Variants in SHROOM4 observed in about 807,000 individuals in gnomAD.
SHROOM4 encodes shroom family member 4, also known as protein Shroom4.
Under a neutral mutation model 80.3 loss-of-function variants are expected in SHROOM4, and 17 were observed. The observed-to-expected ratio is 0.21, with a 90% CI of 0.14 to 0.32. The LOEUF is 0.32. Among genes scored for constraint, SHROOM4 ranks in the 10% least tolerant of loss-of-function variants. The pLI is 1.00. For missense variants in SHROOM4, 993 were observed against 1,140.3 expected (o/e 0.87, Z 1.86); for synonymous variants, 400 against 437.5 (o/e 0.91, Z 1.07).
chrX:50,754,730 C>G (rs1935002257), intron 1 of SHROOM4, among the ~76,000 whole-genome samples: 1 of 111,972 alleles, frequency 8.9e-6, no homozygotes. Flanking sequence ...GATTAACCCA[C>G]TATCCTCTAG....
rs184798294 is a variant in SHROOM4 at position 50,654,258 on chromosome X, T to C, written c.270-15950A>G. On this transcript the variant is annotated intron_variant, in intron 2 of 8. Coordinates refer to ENST00000376020, the MANE Select transcript of SHROOM4 (RefSeq NM_020717.5). ...TAAGTGCTGGTGAGCAGTTGCCATA[T>C]ATGTACTTCCCTGGTAAGGCTTCTT... Among the ~76,000 whole-genome samples, 366 of 111,536 alleles carry C rather than the reference T, an allele frequency of 3.3e-3. 3 individuals are homozygous for C. The highest frequency in any genetic ancestry group is 6.0e-3 in the Non-Finnish European group (318 of 53,062).
chrX:50,807,592 T>A (rs1350363766), intron 1 of SHROOM4, among the ~76,000 whole-genome samples: 1 of 112,092 alleles, frequency 8.9e-6, no homozygotes. Flanking sequence ...ATTCATTAAA[T>A]GCCATTTCCT....
chrX:50,757,279 G>T (rs1158911530), intron 1 of SHROOM4, among the ~76,000 whole-genome samples: 1 of 111,920 alleles, frequency 8.9e-6, no homozygotes, highest in African/African-American at 3.3e-5. Context: ...TGGCAAGTTT[G>T]CCCAAAATCA....
Position 50,595,372 on chromosome X carries a change from T to A in SHROOM4, c.*1323A>T, listed in dbSNP as rs906726195. On this transcript the variant is annotated 3_prime_UTR_variant, in exon 9 of 9. Coordinates refer to ENST00000376020, the MANE Select transcript of SHROOM4 (RefSeq NM_020717.5). ...GGCTGGAGCTCCCAGCTACCTTGAGTTTTGGTTCCCTTGAGCCAGGCCACA... is the reference window on the plus strand; with the variant it reads ...GGCTGGAGCTCCCAGCTACCTTGAGATTTGGTTCCCTTGAGCCAGGCCACA... The A allele has an allele frequency of 2.6e-5, 3 of 116,888 alleles. No individual in the cohort carries two copies. Among genetic ancestry groups the A allele is most frequent in the Non-Finnish European group, 5.3e-5 (3 of 56,268 alleles). 9.6% of individuals were successfully genotyped at this position (116,888 alleles called of 1,213,427 possible).
At chrX:50,710,864 T>C (rs1361420900) in intron 1 of SHROOM4, among the ~76,000 whole-genome samples, 8 of 110,944 alleles carry the variant, frequency 7.2e-5, no homozygotes, top group Non-Finnish European at 1.1e-4. Context: ...ATCTAAATCC[T>C]ACTCAGGCAC....
intron 8 of SHROOM4, among the ~76,000 whole-genome samples, chrX:50,597,325 G>A (rs1006492033): frequency 1.8e-5 from 2 of 112,061 alleles, no homozygotes; most frequent in African/African-American, 3.3e-5. Context: ...GGTGCTTTCT[G>A]TATGATGTGT....
chrX:50,701,133 C>A (rs1257763685), intron 1 of SHROOM4, among the ~76,000 whole-genome samples: 6 of 111,920 alleles, frequency 5.4e-5, no homozygotes, highest in Non-Finnish European at 1.1e-4. Context: ...TTTACTAATC[C>A]TCACAACAAA....
chrX:50,654,536 ATT>A (rs111952291), intron 2 of SHROOM4, among the ~76,000 whole-genome samples: 1,735 of 110,983 alleles, frequency 0.016, 29 homozygotes, highest in African/African-American at 0.055. Context: ...AATACTTATC[ATT>A]TTTTGTGGTG....
chrX:50,749,910 A>T (rs1375354388), intron 1 of SHROOM4, among the ~76,000 whole-genome samples: 1 of 111,474 alleles, frequency 9.0e-6, no homozygotes, highest in Middle Eastern at 4.2e-3. Flanking sequence ...GCCACTAGAA[A>T]TCTGGTTTTT....
At chrX:50,619,374 G>A (rs782393868) in intron 5 of SHROOM4, among the ~76,000 whole-genome samples, 20 of 111,258 alleles carry the variant, frequency 1.8e-4, no homozygotes, top group African/African-American at 6.5e-4. Context: ...TGCTCCAAGA[G>A]AAACAGACAC....
At chrX:50,651,862 C>T (rs1189163315) in intron 2 of SHROOM4, among the ~76,000 whole-genome samples, 3 of 110,480 alleles carry the variant, frequency 2.7e-5, no homozygotes, top group Admixed American at 9.7e-5. Context: ...GTTAGTTTAC[C>T]TAGAATGATG....
Position 50,636,477 on chromosome X carries a change from T to C in SHROOM4, c.405-809A>G, listed in dbSNP as rs190733004. Among the ~76,000 whole-genome samples, 5 of 111,203 alleles carry C rather than the reference T, an allele frequency of 4.5e-5. No homozygotes were observed. In the Admixed American group the frequency reaches 4.8e-4, roughly 11 times the overall value. On this transcript the variant is annotated intron_variant, in intron 3 of 8. Transcript: ENST00000376020. The stretch of plus-strand genomic sequence containing the variant: ...CACTTTACAAGGTTTCATTTCAAGC[T>C]GAAGAGGACAGATCTTTTTTTTTCT...
intron 1 of SHROOM4, among the ~76,000 whole-genome samples, chrX:50,754,467 T>C (rs1934995282): frequency 8.9e-6 from 1 of 111,891 alleles, no homozygotes; most frequent in African/African-American, 3.2e-5. Context: ...GCTCCAATCA[T>C]TTATATTCGG....
intron 1 of SHROOM4, among the ~76,000 whole-genome samples, chrX:50,779,928 A>G (rs1217879706): frequency 3.6e-5 from 4 of 111,360 alleles, no homozygotes; most frequent in African/African-American, 1.3e-4. Context: ...AATTCATAGC[A>G]AGCGGTGGCA....
At chrX:50,731,378 G>T (rs964596421) in intron 1 of SHROOM4, among the ~76,000 whole-genome samples, 8 of 111,530 alleles carry the variant, frequency 7.2e-5, no homozygotes, top group South Asian at 7.5e-4. Context: ...TCTCCCCTCA[G>T]CTCCCAGCCA....
intron 1 of SHROOM4, among the ~76,000 whole-genome samples, chrX:50,804,973 C>G (rs1187866584): frequency 1.8e-5 from 2 of 111,276 alleles, no homozygotes; most frequent in African/African-American, 3.3e-5. Context: ...ATGTGAGAGT[C>G]AAGCCTGATA....
chrX:50,631,875 G>C (rs1258845227), intron 4 of SHROOM4, among the ~76,000 whole-genome samples: 1 of 111,712 alleles, frequency 9.0e-6, no homozygotes, highest in Non-Finnish European at 1.9e-5. Context: ...ATATGTACAA[G>C]ATTTGTATGC....
Position 50,607,822 on chromosome X carries a change from GGAGGAGGAGGGC to G in SHROOM4, c.3308_3319del (p.Arg1103_Pro1106del). On this transcript the variant is annotated inframe_deletion, in exon 6 of 9. Transcript: ENST00000376020. The stretch of plus-strand genomic sequence containing the variant: ...AAAGAGCCTGTACTTCTCCCAGTTG[GGAGGAGGAGGGC>G]GAGGAGGAGGAAAGGCCTTCTTCCT... 2.5e-6 allele frequency: 3 copies of G among 1,209,217 alleles called. No homozygotes were observed. Among genetic ancestry groups the G allele is most frequent in the Non-Finnish European group, 3.4e-6 (3 of 894,138 alleles).
chrX:50,789,784 A>G (rs1935818980), intron 1 of SHROOM4, among the ~76,000 whole-genome samples: 1 of 112,497 alleles, frequency 8.9e-6, no homozygotes, highest in South Asian at 3.7e-4. Context: ...CAAATAAATT[A>G]AATCATCAAT....
Sources: allele counts gnomAD v4.1 joint callset (sites outside exome capture counted in the v4.1 genomes callset), GRCh38; gene constraint gnomAD v4.1.1; transcripts MANE v1.5; gene names NCBI Gene and HGNC (gene_info 2026-07-23, HGNC 2026-07-21).